Variants in DNAH17 observed in about 807,000 individuals in gnomAD.
DNAH17 encodes dynein axonemal heavy chain 17, also known as axonemal beta dynein heavy chain 17.
A neutral mutation model predicts 485.6 loss-of-function variants in DNAH17; 376 were observed. The ratio of observed to expected loss-of-function variants is 0.77; its 90% CI spans 0.71 to 0.84. DNAH17 has a LOEUF of 0.84. Ranked by LOEUF, DNAH17 falls within the 40% of genes least tolerant of loss-of-function variation. DNAH17 has a pLI of 0.00. For synonymous variants in DNAH17, 3,031 were observed against 2,405.9 expected (o/e 1.26, Z -7.60); for missense variants, 6,370 against 5,839.3 (o/e 1.09, Z -2.96).
At chr17:78,453,304 G>C in intron 65 of DNAH17, 39 bp downstream of exon 65, 1 of 1,606,696 alleles carries the variant, frequency 6.2e-7, no homozygotes, top group South Asian at 1.1e-5. Flanking sequence ...GCCTGAAGAT[G>C]TTTACCTGGC....
chr17:78,487,415 C>T (rs551355257), intron 44 of DNAH17, among the ~76,000 whole-genome samples: 16 of 152,328 alleles, frequency 1.1e-4, no homozygotes, highest in African/African-American at 3.8e-4. Flanking sequence ...CCTCGAGTGC[C>T]AGTGAGCTCA....
intron 53 of DNAH17, 83 bp downstream of exon 53, chr17:78,475,586 G>A (rs2088977181): frequency 6.2e-7 from 1 of 1,600,806 alleles, no homozygotes; most frequent in Non-Finnish European, 8.5e-7. Context: ...CCCACACAAT[G>A]CCACTCGGAT....
At chr17:78,541,930 G>C (rs539704548) in intron 17 of DNAH17, among the ~76,000 whole-genome samples, 4 of 152,208 alleles carry the variant, frequency 2.6e-5, no homozygotes, top group African/African-American at 9.6e-5. Flanking sequence ...ATGGGAACTG[G>C]GAATGAGGCA....
intron 65 of DNAH17, among the ~76,000 whole-genome samples, chr17:78,452,048 T>C (rs1489991940): frequency 2.0e-5 from 3 of 151,828 alleles, no homozygotes; most frequent in Non-Finnish European, 2.9e-5. Flanking sequence ...CTGGGTCTGC[T>C]CATCCACTGT....
chr17:78,458,951 G>T, intron 61 of DNAH17, 50 bp downstream of exon 61: 3 of 1,590,280 alleles, frequency 1.9e-6, no homozygotes, highest in Non-Finnish European at 2.6e-6. Context: ...CTGGCAGCGC[G>T]AGCAAGCGGC....
At chr17:78,476,513 C>T in intron 52 of DNAH17, 59 bp downstream of exon 52, 10 of 1,541,088 alleles carry the variant, frequency 6.5e-6, no homozygotes, top group Non-Finnish European at 8.8e-6. Context: ...TGGCCGCCGA[C>T]ACTCCACCCT....
rs780667044 is a variant in DNAH17, at chr17:78,466,792, CCACAGGGGAGAAA to C, written c.8790_8802del (p.Cys2930TrpfsTer116). 6.3e-7 allele frequency: 1 copy of C among 1,598,418 alleles called. No homozygotes were observed. The highest frequency in any genetic ancestry group is 1.1e-5 in the South Asian group (1 of 88,670). On this transcript the variant is annotated frameshift_variant, in exon 56 of 81. Coordinates refer to ENST00000389840, the MANE Select transcript of DNAH17 (RefSeq NM_173628.4). LOFTEE classifies it high-confidence loss of function. ...CTGGCTCGTACCCGCAGCACGGAGC[CCACAGGGGAGAAA>C]CACAGGATCACCTGGGTGTGGGAGA...
At chr17:78,461,078 C>T (rs78306333) in intron 58 of DNAH17, among the ~76,000 whole-genome samples, 103 of 151,858 alleles carry the variant, frequency 6.8e-4, no homozygotes, top group Admixed American at 1.5e-3. Flanking sequence ...CACCCCCAAC[C>T]AGCAAGGAGC....
At chr17:78,542,690 G>A (rs913841990) in intron 17 of DNAH17, among the ~76,000 whole-genome samples, 7 of 152,168 alleles carry the variant, frequency 4.6e-5, no homozygotes, top group African/African-American at 1.4e-4. Context: ...AGGCTGGTAG[G>A]GACATAGAGT....
chr17:78,563,927 TTTTC>T (rs149389684), intron 11 of DNAH17, among the ~76,000 whole-genome samples: 2,180 of 151,822 alleles, frequency 0.014, 55 homozygotes, highest in African/African-American at 0.049. Flanking sequence ...TCCCCTCCGC[TTTTC>T]TTTGTTTTAA....
chr17:78,536,991 C>T (rs1486847052), intron 19 of DNAH17, among the ~76,000 whole-genome samples: 5 of 151,760 alleles, frequency 3.3e-5, no homozygotes, highest in Non-Finnish European at 5.9e-5. Context: ...CTGGCTAACA[C>T]GGTTAAACCC....
chr17:78,521,747 G>A (rs952462823), intron 25 of DNAH17, among the ~76,000 whole-genome samples: 1 of 152,184 alleles, frequency 6.6e-6, no homozygotes, highest in African/African-American at 2.4e-5. Flanking sequence ...AGCACTTTGG[G>A]AGGCCAAGGC....
intron 66 of DNAH17, among the ~76,000 whole-genome samples, 176 bp from the exon 67 acceptor site, chr17:78,451,022 G>A (rs1310090051): frequency 6.6e-6 from 1 of 152,208 alleles, no homozygotes; most frequent in South Asian, 2.1e-4. Flanking sequence ...AGAGGCCCTG[G>A]CCCTGCTCCC....
rs548405892 is a variant in DNAH17, at chr17:78,459,094, G to C, written c.9768C>G (p.Cys3256Trp). The C allele has an allele frequency of 2.0e-5, 32 of 1,613,900 alleles. No homozygotes were observed. The highest frequency in any genetic ancestry group is 2.6e-5 in the Non-Finnish European group (31 of 1,179,910). The part of the protein sequence containing the change: ...INIVRFYEVY[C>W]DVAPKRQALE... Reference sequence around the variant, plus strand: ...GTGCCTGCCTCTTGGGCGCCACGTCGCAGTAGACCTCGTAGAAGCGGACGA... The same window carrying C: ...GTGCCTGCCTCTTGGGCGCCACGTCCCAGTAGACCTCGTAGAAGCGGACGA... Residue 3256 changes from cysteine (C) to tryptophan (W), a missense_variant, in exon 61 of 81, where the codon TGC becomes TGG. Transcript: ENST00000389840.
rs142673519 is a variant in DNAH17 at position 78,450,739 on chromosome 17, C to T, written c.10842G>A (p.Thr3614=). ...SAASGNFLGD[T]ALVENLETTK... is the part of the protein sequence containing the mutation. ...TGGTCTCCAGATTCTCCACCAAGGCCGTGTCTCCCAGAAAGTTCCCCGACG... is the reference window on the plus strand; with the variant it reads ...TGGTCTCCAGATTCTCCACCAAGGCTGTGTCTCCCAGAAAGTTCCCCGACG... Residue 3614 remains threonine, a synonymous_variant, in exon 67 of 81, where the codon ACG becomes ACA. Coordinates refer to ENST00000389840, the MANE Select transcript of DNAH17 (RefSeq NM_173628.4). 843 of 1,613,992 alleles carry T rather than the reference C, an allele frequency of 5.2e-4. 3 individuals are homozygous for T. In the African/African-American group the frequency reaches 8.8e-3, roughly 17 times the overall value.
At chr17:78,426,159 T>C (rs557392940) in intron 79 of DNAH17, among the ~76,000 whole-genome samples, 35 of 152,352 alleles carry the variant, frequency 2.3e-4, no homozygotes, top group African/African-American at 7.9e-4. Flanking sequence ...AAAGAGGCTC[T>C]TGCCTTCATT....
intron 22 of DNAH17, 147 bp downstream of exon 22, chr17:78,529,325 A>C: frequency 1.3e-6 from 1 of 785,512 alleles, no homozygotes; most frequent in South Asian, 1.7e-5. Context: ...TCCTCCCTGC[A>C]CCTCCCTGTT....
Position 78,525,004 on chromosome 17 carries a change from C to T in DNAH17, c.3864+5G>A. The T allele has an allele frequency of 6.2e-7, 1 of 1,611,152 alleles. No individual in the cohort carries two copies. The highest frequency in any genetic ancestry group is 2.2e-5 in the East Asian group (1 of 44,794). Reference sequence around the variant, plus strand: ...CCCCACCCACGCGGCGTGCCCTGCACTCACCACAACAACCATGTCCCAGAG... The same window carrying T: ...CCCCACCCACGCGGCGTGCCCTGCATTCACCACAACAACCATGTCCCAGAG... On this transcript the variant is annotated splice_donor_5th_base_variant and intron_variant, in intron 25 of 80. Coordinates refer to ENST00000389840, the MANE Select transcript of DNAH17 (RefSeq NM_173628.4).
At chr17:78,485,889 C>A (rs993135926) in intron 46 of DNAH17, 71 bp downstream of exon 46, 24 of 1,576,720 alleles carry the variant, frequency 1.5e-5, no homozygotes, top group Non-Finnish European at 2.0e-5. Flanking sequence ...TCCGTGCAGG[C>A]GTGTGGAGGG....
Sources: gnomAD v4.1 joint callset for allele counts (sites outside exome capture counted in the v4.1 genomes callset) on GRCh38, gnomAD v4.1.1 for gene constraint, MANE v1.5 for transcripts, NCBI Gene and HGNC (gene_info 2026-07-23, HGNC 2026-07-21) for gene names.